Variants in CEP128 observed in about 807,000 individuals in gnomAD.
The protein encoded by CEP128 is centrosomal protein 128kDa.
Under a neutral mutation model 156.7 loss-of-function variants are expected in CEP128, and 132 were observed. The ratio of observed to expected loss-of-function variants is 0.84; its 90% CI spans 0.73 to 0.97. CEP128 has a LOEUF of 0.97. CEP128 is among the 50% of genes least tolerant of loss of function. The probability of loss-of-function intolerance (pLI) is 0.00; values close to 1 mark genes in which losing one functional copy is unlikely to be tolerated. For synonymous variants in CEP128, 469 were observed against 448.9 expected, an observed-to-expected ratio of 1.04 and a Z score of -0.57; for missense variants, 1,252 against 1,281.9, an observed-to-expected ratio of 0.98 and a Z score of 0.36.
At chr14:80,503,862 T>C (rs1248707747) in intron 24 of CEP128, among the ~76,000 whole-genome samples, 3 of 152,136 alleles carry the variant, frequency 2.0e-5, no homozygotes, top group Non-Finnish European at 4.4e-5. Flanking sequence ...AAAATAATCA[T>C]GAAATAATGA....
At chr14:80,738,994 G>A (rs780033108) in intron 19 of CEP128, among the ~76,000 whole-genome samples, 6 of 152,200 alleles carry the variant, frequency 3.9e-5, no homozygotes, top group Non-Finnish European at 2.9e-5. Flanking sequence ...GAAGCAGGTT[G>A]CCAAAAATAC....
At position 80,580,093 on chromosome 14, in the gene CEP128, T is replaced by C. The variant is rs1304378826; in HGVS notation, c.2856+281A>G. Among the ~76,000 whole-genome samples the C allele has an allele frequency of 3.3e-5, 5 of 152,192 alleles. No individual in the cohort carries two copies. In the South Asian group the frequency reaches 8.3e-4, roughly 25 times the overall value. ...AGTCCTGTTTTGAGGGAAATGACTATGAAAGGATACTGCCTTCATTTCCTA... is the reference window on the plus strand; with the variant it reads ...AGTCCTGTTTTGAGGGAAATGACTACGAAAGGATACTGCCTTCATTTCCTA... On this transcript the variant is annotated intron_variant, in intron 20 of 24. Transcript: ENST00000555265.
chr14:80,536,050 C>T (rs532891794), intron 21 of CEP128, among the ~76,000 whole-genome samples: 1 of 152,256 alleles, frequency 6.6e-6, no homozygotes, highest in African/African-American at 2.4e-5. Context: ...TGCAACAACA[C>T]CAAACTCCTA....
At chr14:80,592,387 A>C (rs1442677847) in intron 19 of CEP128, among the ~76,000 whole-genome samples, 1 of 152,228 alleles carries the variant, frequency 6.6e-6, no homozygotes, top group Non-Finnish European at 1.5e-5. Flanking sequence ...CTACACAAAT[A>C]AACTAGAAAA....
chr14:80,547,224 T>C (rs567876239), intron 21 of CEP128, among the ~76,000 whole-genome samples: 1 of 152,314 alleles, frequency 6.6e-6, no homozygotes, highest in East Asian at 1.9e-4. Context: ...CATTTACCAG[T>C]GAGCTTAGGG....
intron 1 of CEP128, among the ~76,000 whole-genome samples, chr14:80,940,128 A>T (rs1325882230): frequency 6.6e-6 from 1 of 152,240 alleles, no homozygotes; most frequent in African/African-American, 2.4e-5. Context: ...AGTTGTCTAC[A>T]TAAAAGGTAG....
intron 19 of CEP128, among the ~76,000 whole-genome samples, chr14:80,666,724 CAAA>C (rs78322396): frequency 4.8e-5 from 5 of 103,478 alleles, no homozygotes; most frequent in Admixed American, 1.0e-4. Context: ...AAGAGAGAGA[CAAA>C]AAAAAAAAAA....
At chr14:80,849,412 T>C (rs1886776063) in intron 9 of CEP128, among the ~76,000 whole-genome samples, 1 of 152,150 alleles carries the variant, frequency 6.6e-6, no homozygotes, top group African/African-American at 2.4e-5. Context: ...CATCCAAGAC[T>C]AACACTGGCG....
At chr14:80,537,554 C>A (rs1282845033) in intron 21 of CEP128, among the ~76,000 whole-genome samples, 1 of 151,250 alleles carries the variant, frequency 6.6e-6, no homozygotes, top group Non-Finnish European at 1.5e-5. Flanking sequence ...GCACTTACAA[C>A]TGTTTTACAA....
chr14:80,706,598 CAA>C (rs1046665176), intron 19 of CEP128, among the ~76,000 whole-genome samples: 1 of 152,056 alleles, frequency 6.6e-6, no homozygotes, highest in Non-Finnish European at 1.5e-5. Flanking sequence ...CTCCAGTATT[CAA>C]AAGTTTAATT....
intron 21 of CEP128, among the ~76,000 whole-genome samples, chr14:80,531,337 C>G (rs1889217674): frequency 6.6e-6 from 1 of 152,098 alleles, no homozygotes; most frequent in Non-Finnish European, 1.5e-5. Context: ...GAGTTCTCAG[C>G]AATTATTTCA....
chr14:80,647,535 T>C (rs1320736342), intron 19 of CEP128, among the ~76,000 whole-genome samples: 1 of 152,122 alleles, frequency 6.6e-6, no homozygotes, highest in East Asian at 1.9e-4. Flanking sequence ...TTTCCTTCTT[T>C]CTTGATGTTT....
downstream of CEP128, among the ~76,000 whole-genome samples, chr14:80,488,135 T>A: frequency 1.5e-5 from 2 of 129,720 alleles, no homozygotes; most frequent in African/African-American, 2.6e-5. Context: ...CTAGCAAGGC[T>A]AATAAAGAAG....
At chr14:80,648,651 C>T (rs114486430) in intron 19 of CEP128, among the ~76,000 whole-genome samples, 1,796 of 152,088 alleles carry the variant, frequency 0.012, 33 homozygotes, top group African/African-American at 0.041. Flanking sequence ...TATTTGTAAA[C>T]TTCTGAAACT....
intron 19 of CEP128, among the ~76,000 whole-genome samples, chr14:80,728,411 A>T (rs1898101147): frequency 6.6e-6 from 1 of 152,140 alleles, no homozygotes; most frequent in Non-Finnish European, 1.5e-5. Context: ...CATATTGGAT[A>T]CTATGTTCAC....
At chr14:80,606,431 T>C (rs897918979) in intron 19 of CEP128, among the ~76,000 whole-genome samples, 94 of 152,230 alleles carry the variant, frequency 6.2e-4, no homozygotes, top group African/African-American at 2.0e-3. Flanking sequence ...CCAGGCTCTG[T>C]AAACACTACC....
chr14:80,739,300 T>A (rs10498550), intron 19 of CEP128, among the ~76,000 whole-genome samples: 1 of 152,218 alleles, frequency 6.6e-6, no homozygotes, highest in Non-Finnish European at 1.5e-5. Context: ...ACTACAAAAA[T>A]TATTGTGATA....
chr14:80,932,074 T>G (rs1188147923), intron 2 of CEP128, among the ~76,000 whole-genome samples: 5 of 152,134 alleles, frequency 3.3e-5, no homozygotes, highest in Non-Finnish European at 1.5e-5. Flanking sequence ...ATCTGATGGT[T>G]TTATAAGGGG....
At chr14:80,828,586 T>G (rs910990037) in intron 13 of CEP128, among the ~76,000 whole-genome samples, 2 of 152,144 alleles carry the variant, frequency 1.3e-5, no homozygotes, top group African/African-American at 4.8e-5. Context: ...GGAAAAAGTT[T>G]AGGATTTCCA....
Sources: allele counts gnomAD v4.1 joint callset (sites outside exome capture counted in the v4.1 genomes callset), GRCh38; gene constraint gnomAD v4.1.1; transcripts MANE v1.5; gene names NCBI Gene and HGNC (gene_info 2026-07-23, HGNC 2026-07-21).